The following EVA1A variants were observed in gnomAD, a reference collection of about 807,000 sequenced individuals.
EVA1A encodes protein eva-1 homolog A.
Under a neutral mutation model 9.8 loss-of-function variants are expected in EVA1A, and 7 were observed. The ratio of observed to expected loss-of-function variants is 0.71; its 90% CI spans 0.41 to 1.34. The LOEUF (loss-of-function observed/expected upper bound fraction) is 1.34, where lower values mean the gene tolerates loss of function less well. Ranked by LOEUF, EVA1A falls within the 40% of genes most tolerant of loss-of-function variation. EVA1A has a pLI of 0.01. For missense variants in EVA1A, 206 were observed against 205.9 expected (o/e 1.00, Z 0.00); for synonymous variants, 90 against 85.6 (o/e 1.05, Z -0.28).
intron 1 of EVA1A, among the ~76,000 whole-genome samples, chr2:75,566,000 TCTCTCTCTTTC>T (rs1677019991): frequency 6.6e-6 from 1 of 152,220 alleles, no homozygotes; most frequent in Non-Finnish European, 1.5e-5. Flanking sequence ...TCTCTCTCTA[TCTCTCTCTTTC>T]TCCAGTTGTC....
intron 1 of EVA1A, among the ~76,000 whole-genome samples, chr2:75,545,131 T>C (rs934794984): frequency 1.3e-5 from 2 of 152,218 alleles, no homozygotes; most frequent in Non-Finnish European, 1.5e-5. Flanking sequence ...TGAAGAGTTT[T>C]AATGCTGAAA....
Position 75,493,234 on chromosome 2 carries a change from C to T in EVA1A, c.*2G>A. On this transcript the variant is annotated 3_prime_UTR_variant, in exon 4 of 4. Coordinates refer to ENST00000393913, the MANE Select transcript of EVA1A (RefSeq NM_001135032.2). ...CAGTGGTTTCCGGGGTCCTGCTGCT[C>T]CCTAATAGTAGCGATTCAGGCTCCT... 1.9e-6 allele frequency: 3 copies of T among 1,608,546 alleles called. No individual in the cohort carries two copies. The highest frequency in any genetic ancestry group is 2.5e-6 in the Non-Finnish European group (3 of 1,177,156).
intron 3 of EVA1A, among the ~76,000 whole-genome samples, chr2:75,514,038 G>A (rs776910380): frequency 2.1e-4 from 32 of 152,144 alleles, no homozygotes; most frequent in Admixed American, 7.2e-4. Flanking sequence ...CATCACATCC[G>A]AATTTTGGAA....
chr2:75,503,463 T>G (rs1021655571), intron 3 of EVA1A, among the ~76,000 whole-genome samples: 1 of 152,206 alleles, frequency 6.6e-6, no homozygotes, highest in South Asian at 2.1e-4. Context: ...AGAGGCCCTA[T>G]GTAGAGGTCC....
At chr2:75,546,342 A>ATT (rs1188518854) in intron 1 of EVA1A, among the ~76,000 whole-genome samples, 4 of 152,204 alleles carry the variant, frequency 2.6e-5, no homozygotes, top group Non-Finnish European at 1.5e-5. Context: ...ACAGGAACTT[A>ATT]GCACTTATTG....
At chr2:75,548,983 AATATATAT>A (rs71403226) in intron 1 of EVA1A, among the ~76,000 whole-genome samples, 1 of 133,704 alleles carries the variant, frequency 7.5e-6, no homozygotes, top group Non-Finnish European at 1.6e-5. Context: ...CTAAATGAAA[AATATATAT>A]ATATATATAT....
At chr2:75,554,738 C>G (rs1426212080) in intron 1 of EVA1A, among the ~76,000 whole-genome samples, 3 of 152,028 alleles carry the variant, frequency 2.0e-5, no homozygotes, top group African/African-American at 4.8e-5. Flanking sequence ...GTGCCTGGCA[C>G]CCACCCCAGG....
intron 1 of EVA1A, among the ~76,000 whole-genome samples, chr2:75,533,234 C>T (rs577428165): frequency 1.6e-4 from 24 of 149,808 alleles, no homozygotes; most frequent in African/African-American, 5.4e-4. Context: ...CTGAGAAAAA[C>T]GGCGTCCTAG....
At chr2:75,538,798 T>C (rs990994741) in intron 1 of EVA1A, among the ~76,000 whole-genome samples, 1 of 152,214 alleles carries the variant, frequency 6.6e-6, no homozygotes, top group Non-Finnish European at 1.5e-5. Flanking sequence ...GACAAAATTA[T>C]AGAAATAGGG....
intron 3 of EVA1A, among the ~76,000 whole-genome samples, chr2:75,511,042 C>T (rs1384372222): frequency 3.3e-5 from 5 of 152,204 alleles, no homozygotes; most frequent in African/African-American, 2.4e-5. Context: ...AAAATATTTA[C>T]TGTCTCACCC....
chr2:75,547,258 T>C lies in EVA1A; in HGVS notation c.-192+13422A>G, dbSNP rs750227189. Among the ~76,000 whole-genome samples, 14 of 152,156 alleles carry C rather than the reference T, an allele frequency of 9.2e-5. 1 individual carries two copies. Among genetic ancestry groups the C allele is most frequent in the Non-Finnish European group, 1.9e-4 (13 of 68,032 alleles). ...GAATGGAGCTGCACAGGTTCATGGATGGAGCTTCATGCCACCCACCGGGTG... is the reference window on the plus strand; with the variant it reads ...GAATGGAGCTGCACAGGTTCATGGACGGAGCTTCATGCCACCCACCGGGTG... On this transcript the variant is annotated intron_variant, in intron 1 of 3. Coordinates refer to ENST00000393913, the MANE Select transcript of EVA1A (RefSeq NM_001135032.2).
At chr2:75,548,090 A>C (rs547257828) in intron 1 of EVA1A, among the ~76,000 whole-genome samples, 61 of 152,278 alleles carry the variant, frequency 4.0e-4, no homozygotes, top group African/African-American at 1.4e-3. Context: ...AAAAACCTAC[A>C]TTGAGTAGTT....
rs376135897 is a variant in EVA1A, at chr2:75,551,476, C to T, written c.-192+9204G>A. ...AAACTCTCCTCTTCCGCATCCCAGT[C>T]TCCCATTTCCTCCTGCCTTTCTGCA... is the stretch of plus-strand genomic sequence containing the variant. On this transcript the variant is annotated intron_variant, in intron 1 of 3. Coordinates refer to ENST00000393913, the MANE Select transcript of EVA1A (RefSeq NM_001135032.2). 9.1e-4 allele frequency among the ~76,000 whole-genome samples: 138 copies of T among 152,324 alleles called. 2 individuals are homozygous for T. Among genetic ancestry groups the T allele is most frequent in the African/African-American group, 3.2e-3 (133 of 41,582 alleles).
At chr2:75,503,722 C>A (rs1028922495) in intron 3 of EVA1A, among the ~76,000 whole-genome samples, 6 of 152,016 alleles carry the variant, frequency 3.9e-5, no homozygotes, top group African/African-American at 1.2e-4. Context: ...AAAGTTTGAT[C>A]ATATGCAGAT....
chr2:75,510,131 T>C (rs1406843901), intron 3 of EVA1A, among the ~76,000 whole-genome samples: 1 of 152,152 alleles, frequency 6.6e-6, no homozygotes, highest in Non-Finnish European at 1.5e-5. Context: ...AGAAGGAGAA[T>C]GTGATTATCA....
chr2:75,499,984 G>A (rs752019049), intron 3 of EVA1A, among the ~76,000 whole-genome samples: 27 of 152,102 alleles, frequency 1.8e-4, no homozygotes, highest in South Asian at 4.2e-4. Context: ...TATTGGATCC[G>A]CCTGAGAAGG....
chr2:75,517,945 G>T, intron 3 of EVA1A, 111 bp downstream of exon 3: 2 of 1,254,124 alleles, frequency 1.6e-6, no homozygotes, highest in East Asian at 2.5e-5. Context: ...CAGTAGCTTT[G>T]ATTACGTAGT....
chr2:75,541,590 A>G (rs1676120942), intron 1 of EVA1A: 1 of 152,556 alleles, frequency 6.6e-6, no homozygotes, highest in Admixed American at 6.5e-5. Flanking sequence ...GGAGGAGTGG[A>G]GGAGGAAGCT....
intron 1 of EVA1A, among the ~76,000 whole-genome samples, chr2:75,531,120 G>C (rs1351562904): frequency 2.6e-5 from 4 of 152,120 alleles, no homozygotes; most frequent in African/African-American, 9.7e-5. Context: ...ACTAAGCTGA[G>C]AATCAAATCA....
Sources: gnomAD v4.1 joint callset for allele counts (sites outside exome capture counted in the v4.1 genomes callset) on GRCh38, gnomAD v4.1.1 for gene constraint, MANE v1.5 for transcripts, NCBI Gene and HGNC (gene_info 2026-07-23, HGNC 2026-07-21) for gene names.